PPP1R9A: variants seen among roughly 807,000 people sequenced by gnomAD.
The protein encoded by PPP1R9A is neurabin-1.
Under a neutral mutation model 141.9 loss-of-function variants are expected in PPP1R9A, and 59 were observed. The ratio of observed to expected loss-of-function variants is 0.42; its 90% CI spans 0.34 to 0.52. PPP1R9A has a LOEUF of 0.52. PPP1R9A is among the 20% of genes least tolerant of loss of function. PPP1R9A has a pLI of 0.10. For synonymous variants in PPP1R9A, 500 were observed against 569.7 expected (o/e 0.88, Z 1.74); for missense variants, 1,444 against 1,611.9 (o/e 0.90, Z 1.78).
At chr7:95,017,416 A>G (rs1217587372) in intron 2 of PPP1R9A, among the ~76,000 whole-genome samples, 1 of 152,206 alleles carries the variant, frequency 6.6e-6, no homozygotes, top group Non-Finnish European at 1.5e-5. Context: ...CAAGGTTAAT[A>G]TACTAAAATT....
intron 5 of PPP1R9A, among the ~76,000 whole-genome samples, chr7:95,178,763 A>G (rs1833275017): frequency 6.6e-6 from 1 of 152,150 alleles, no homozygotes. Context: ...ATGTGCATAC[A>G]CTAGAAAACC....
Position 95,247,539 on chromosome 7 carries a change from A to G in PPP1R9A, c.2166+13A>G, listed in dbSNP as rs376772778. On this transcript the variant is annotated intron_variant, in intron 9 of 19. Coordinates refer to ENST00000433360, the MANE Select transcript of PPP1R9A (RefSeq NM_001166160.2). Reference sequence around the variant, plus strand: ...ATTGAAGACCAAGGTAAGCACCGAAACATGGTGTTTGAATTTTACTTTTTA... The same window carrying G: ...ATTGAAGACCAAGGTAAGCACCGAAGCATGGTGTTTGAATTTTACTTTTTA... 5.6e-6 allele frequency: 9 copies of G among 1,594,630 alleles called. No homozygotes were observed. Among genetic ancestry groups the G allele is most frequent in the Non-Finnish European group, 7.7e-6 (9 of 1,165,408 alleles).
chr7:94,960,761 T>C (rs866733407), intron 2 of PPP1R9A, among the ~76,000 whole-genome samples: 1 of 151,640 alleles, frequency 6.6e-6, no homozygotes, highest in African/African-American at 2.4e-5. Flanking sequence ...ATGTGTTTAT[T>C]TTTTTTAAAT....
rs774975719 is a variant in PPP1R9A at position 95,111,384 on chromosome 7, A to G, written c.1521A>G (p.Leu507=). Residue 507 remains leucine (L), a synonymous_variant, in exon 3 of 20, where the codon CTA becomes CTG. Transcript: ENST00000433360. ...AGCTGGAACTTTTCCCAGTGGAGCT[A>G]GAGAAAGGTTCGTGAGTGCTACAGT... ...VEKLELFPVE[L]EKDEDGLGIS... 6 of 1,613,118 alleles carry G rather than the reference A, an allele frequency of 3.7e-6. No individual in the cohort carries two copies. Among genetic ancestry groups the G allele is most frequent in the South Asian group, 1.1e-5 (1 of 91,064 alleles).
chr7:95,286,403 T>C, intron 18 of PPP1R9A, 78 bp downstream of exon 18: 1 of 1,574,282 alleles, frequency 6.4e-7, no homozygotes, highest in Non-Finnish European at 8.6e-7. Flanking sequence ...GGAAAATGTT[T>C]TTAGGGTAGA....
intron 17 of PPP1R9A, among the ~76,000 whole-genome samples, chr7:95,285,622 G>C (rs1272111851): frequency 6.6e-6 from 1 of 152,172 alleles, no homozygotes; most frequent in Non-Finnish European, 1.5e-5. Flanking sequence ...CTGATGCTCT[G>C]CGGGTGCAGT....
chr7:95,101,495 A>G (rs745366686), intron 2 of PPP1R9A, among the ~76,000 whole-genome samples: 1 of 152,208 alleles, frequency 6.6e-6, no homozygotes, highest in African/African-American at 2.4e-5. Context: ...GATTCCAGAA[A>G]TATAAGAAGA....
chr7:95,204,726 A>G lies in PPP1R9A; in HGVS notation c.1956+996A>G, dbSNP rs1790365353. Among the ~76,000 whole-genome samples the G allele has an allele frequency of 3.6e-5, 5 of 140,220 alleles. No homozygotes were observed. The South Asian group carries it at 1.2e-3, about 33-fold the overall frequency. The allele number at this position is 140,220 out of a possible 152,430, so 92.0% of individuals were successfully genotyped here. On this transcript the variant is annotated intron_variant, in intron 7 of 19. Coordinates refer to ENST00000433360, the MANE Select transcript of PPP1R9A (RefSeq NM_001166160.2). ...CACCACACACACACACCACACTCACACCACACATACCCACACACACCCACC... is the reference window on the plus strand; with the variant it reads ...CACCACACACACACACCACACTCACGCCACACATACCCACACACACCCACC...
chr7:94,989,356 A>C (rs190172860), intron 2 of PPP1R9A, among the ~76,000 whole-genome samples: 35 of 152,218 alleles, frequency 2.3e-4, no homozygotes, highest in African/African-American at 8.2e-4. Flanking sequence ...ATGTGGAGTA[A>C]AGGATATTGA....
chr7:95,108,840 C>T (rs927134678), intron 2 of PPP1R9A: 4 of 151,988 alleles, frequency 2.6e-5, no homozygotes, highest in African/African-American at 9.7e-5. Context: ...TATATATAGA[C>T]ACACGCATAC....
At chr7:95,054,889 G>A (rs1322383995) in intron 2 of PPP1R9A, among the ~76,000 whole-genome samples, 1 of 152,102 alleles carries the variant, frequency 6.6e-6, no homozygotes, top group Non-Finnish European at 1.5e-5. Context: ...CCAGTGCTTA[G>A]CACAGGGCCT....
intron 18 of PPP1R9A, among the ~76,000 whole-genome samples, chr7:95,287,820 G>A (rs988054955): frequency 3.3e-5 from 5 of 152,030 alleles, no homozygotes; most frequent in African/African-American, 9.7e-5. Flanking sequence ...CGAATAACTG[G>A]GATTACAGGC....
intron 4 of PPP1R9A, among the ~76,000 whole-genome samples, chr7:95,139,821 A>G (rs1164269144): frequency 1.3e-5 from 2 of 151,416 alleles, no homozygotes; most frequent in East Asian, 1.9e-4. Context: ...AAAAAAAAAA[A>G]AAAAAGAAAA....
chr7:95,135,317 T>C (rs933622152), intron 4 of PPP1R9A, among the ~76,000 whole-genome samples: 1 of 152,246 alleles, frequency 6.6e-6, no homozygotes, highest in Non-Finnish European at 1.5e-5. Context: ...TTACTTTTGC[T>C]AAATTACTAA....
In PPP1R9A at chr7:94,910,011, C is replaced by T; in HGVS notation, c.-103C>T. On this transcript the variant is annotated 5_prime_UTR_variant, in exon 2 of 20. Coordinates refer to ENST00000433360, the MANE Select transcript of PPP1R9A (RefSeq NM_001166160.2). This position sits in a 1 kb window ranked among gnomAD's most constrained non-coding sequence, Gnocchi z 4.5. ...GACACCGTATACCATTTGAGAGGTA[C>T]TTTTCTTGACCCAATACTGGTGATT... The T allele has an allele frequency of 9.9e-7, 1 of 1,012,574 alleles. No homozygotes were observed. The highest frequency in any genetic ancestry group is 1.5e-6 in the Non-Finnish European group (1 of 687,850). The allele number at this position is 1,012,574 out of a possible 1,614,324, so 62.7% of individuals were successfully genotyped here. A position where few individuals can be genotyped will look rare whatever the true frequency, so the allele number is the denominator to read the frequency against.
intron 2 of PPP1R9A, among the ~76,000 whole-genome samples, chr7:95,050,055 A>G (rs1279588415): frequency 6.6e-6 from 1 of 152,172 alleles, no homozygotes; most frequent in African/African-American, 2.4e-5. Context: ...GTTAGAGTAT[A>G]TTTAGTTTTG....
rs35730484 is a variant in PPP1R9A, at chr7:94,936,651, G to GGTGT, written c.1395+25172_1395+25175dup. ...ACTAAGTATGGGGAGACTGTGTAGG[G>GGTGT]GTGTGTGTGTGTGTGTGTGTGTGTG... On this transcript the variant is annotated intron_variant, in intron 2 of 19. Coordinates refer to ENST00000433360, the MANE Select transcript of PPP1R9A (RefSeq NM_001166160.2). 5.9e-3 allele frequency among the ~76,000 whole-genome samples: 485 copies of GGTGT among 82,222 alleles called. 2 individuals carry two copies. Among genetic ancestry groups the GGTGT allele is most frequent in the African/African-American group, 0.013 (404 of 31,268 alleles). The allele number at this position is 82,222 out of a possible 152,430, so 53.9% of individuals were successfully genotyped here.
intron 2 of PPP1R9A, among the ~76,000 whole-genome samples, chr7:94,915,129 ATT>A (rs1366983548): frequency 6.6e-6 from 1 of 152,200 alleles, no homozygotes; most frequent in African/African-American, 2.4e-5. Flanking sequence ...ATTGTGCTAT[ATT>A]TTGTGTTTTC....
chr7:95,244,328 T>G (rs2152993087), intron 8 of PPP1R9A, among the ~76,000 whole-genome samples: 1 of 152,316 alleles, frequency 6.6e-6, no homozygotes, highest in African/African-American at 2.4e-5. Context: ...ATTTGTGGAT[T>G]AATCTAGTGT....
Sources: gnomAD v4.1 joint callset for allele counts (sites outside exome capture counted in the v4.1 genomes callset) on GRCh38, gnomAD v4.1.1 for gene constraint, Gnocchi (gnomAD v3.1) non-coding constraint, MANE v1.5 for transcripts, NCBI Gene and HGNC (gene_info 2026-07-23, HGNC 2026-07-21) for gene names.